NSL1: variants seen among roughly 807,000 people sequenced by gnomAD.
The protein encoded by NSL1 is NSL1 component of MIS12 kinetochore complex.
NSL1 carries 11 observed loss-of-function variants against 25.4 expected under a neutral mutation model. The observed-to-expected ratio is 0.43, with a 90% CI of 0.27 to 0.72. NSL1 has a LOEUF of 0.72. Ranked by LOEUF, NSL1 falls within the 30% of genes least tolerant of loss-of-function variation. The pLI is 0.19. For synonymous variants in NSL1, 118 were observed against 120.6 expected (o/e 0.98, Z 0.14); for missense variants, 330 against 342.7 (o/e 0.96, Z 0.29).
intron 4 of NSL1, among the ~76,000 whole-genome samples, chr1:212,745,187 TATATATATATATATATGC>T (rs1261483713): frequency 5.7e-3 from 122 of 21,448 alleles, no homozygotes; most frequent in African/African-American, 0.014. Context: ...TATATATATA[TATATATATATATATATGC>T]ATATGCATAT....
intron 4 of NSL1, among the ~76,000 whole-genome samples, chr1:212,747,643 C>A (rs1185805767): frequency 2.6e-5 from 4 of 152,252 alleles, no homozygotes; most frequent in Admixed American, 6.5e-5. Flanking sequence ...TTTTAAGCAG[C>A]TAAACTTTGG....
At position 212,731,453 on chromosome 1, in the gene NSL1, T is replaced by C; in HGVS notation, c.*6955A>G. 3 of 985,362 alleles carry C rather than the reference T, an allele frequency of 3.0e-6. No homozygotes were observed. The highest frequency in any genetic ancestry group is 3.6e-6 in the Non-Finnish European group (3 of 829,918). 61.0% of individuals were successfully genotyped at this position (985,362 alleles called of 1,614,324 possible). On this transcript the variant is annotated 3_prime_UTR_variant, in exon 6 of 6. Transcript: ENST00000366977. ...TGTTTTGAAACCCTGAGAAAGCTTCTGAAACCCTGAAAAACTGAAACCCCG... is the reference window on the plus strand; with the variant it reads ...TGTTTTGAAACCCTGAGAAAGCTTCCGAAACCCTGAAAAACTGAAACCCCG...
rs1262416784 is a variant in NSL1 at position 212,779,605 on chromosome 1, T to TG, written c.499+2766dup. Among the ~76,000 whole-genome samples, 8 of 102,494 alleles carry TG rather than the reference T, an allele frequency of 7.8e-5. 1 individual carries two copies. The highest frequency in any genetic ancestry group is 1.2e-4 in the African/African-American group (3 of 24,862). The allele number at this position is 102,494 out of a possible 152,430, so 67.2% of individuals were successfully genotyped here. A position where few individuals can be genotyped will look rare whatever the true frequency, so the allele number is the denominator to read the frequency against. On this transcript the variant is annotated intron_variant, in intron 4 of 5. Coordinates refer to ENST00000366977, the MANE Select transcript of NSL1 (RefSeq NM_015471.4). ...CCAGCCACCCCGTCCGGGAGGGAGG[T>TG]GGGGGGGTCAGCCCCCCGCCCGGTC...
intron 4 of NSL1, chr1:212,764,104 C>A: frequency 3.1e-6 from 1 of 320,970 alleles, no homozygotes. Context: ...TGGAATAAAG[C>A]TGGAAATCAA....
In NSL1 at chr1:212,734,896, A is replaced by G. The variant is rs1056451276; in HGVS notation, c.*3512T>C. Among the ~76,000 whole-genome samples the G allele has an allele frequency of 2.0e-5, 3 of 152,222 alleles. No homozygotes were observed. The highest frequency in any genetic ancestry group is 7.2e-5 in the African/African-American group (3 of 41,460). Reference sequence around the variant, plus strand: ...CTGGAATATGACCTTCCTGAAGGCAACACTTGTCCTGAGTGTTTTCATTTC... The same window carrying G: ...CTGGAATATGACCTTCCTGAAGGCAGCACTTGTCCTGAGTGTTTTCATTTC... On this transcript the variant is annotated 3_prime_UTR_variant, in exon 6 of 6. Transcript: ENST00000366977.
At position 212,771,563 on chromosome 1, in the gene NSL1, C is replaced by T. The variant is rs1571903701; in HGVS notation, c.499+10809G>A. ...GAAATGAGGAAGTCAAACTGTCCAT[C>T]TTTGCAGATGACATGTTCTTACATA... On this transcript the variant is annotated intron_variant, in intron 4 of 5. Transcript: ENST00000366977. Among the ~76,000 whole-genome samples, 4 of 133,094 alleles carry T rather than the reference C, an allele frequency of 3.0e-5. No homozygotes were observed. In the South Asian group the frequency reaches 1.0e-3, roughly 34 times the overall value. 87.3% of individuals were successfully genotyped at this position (133,094 alleles called of 152,430 possible).
intron 4 of NSL1, among the ~76,000 whole-genome samples, chr1:212,761,928 G>C (rs977073401): frequency 1.3e-5 from 2 of 149,684 alleles, no homozygotes; most frequent in African/African-American, 2.5e-5. Context: ...AATTGTCTTG[G>C]GCCACACATA....
chr1:212,768,317 C>G (rs1182924324), intron 4 of NSL1, among the ~76,000 whole-genome samples: 1 of 55,682 alleles, frequency 1.8e-5, no homozygotes, highest in African/African-American at 7.4e-5. Context: ...GAGACTCCGT[C>G]TCAAAAAAAA....
Position 212,737,316 on chromosome 1 carries a change from A to G in NSL1, c.*1092T>C. 1.0e-6 allele frequency: 1 copy of G among 985,182 alleles called. No homozygotes were observed. Among genetic ancestry groups the G allele is most frequent in the Non-Finnish European group, 1.2e-6 (1 of 829,682 alleles). The allele number at this position is 985,182 out of a possible 1,614,324, so 61.0% of individuals were successfully genotyped here. A position where few individuals can be genotyped will look rare whatever the true frequency, so the allele number is the denominator to read the frequency against. On this transcript the variant is annotated 3_prime_UTR_variant, in exon 6 of 6. Transcript: ENST00000366977. ...TTCTGGTGACTTCTGGTGAATCTAGACATTTATGATTATTAATACATAATA... is the reference window on the plus strand; with the variant it reads ...TTCTGGTGACTTCTGGTGAATCTAGGCATTTATGATTATTAATACATAATA...
chr1:212,729,369 G>C lies in NSL1; in HGVS notation c.*9039C>G. 1 of 980,816 alleles carries C rather than the reference G, an allele frequency of 1.0e-6. No homozygotes were observed. The allele number at this position is 980,816 out of a possible 1,614,324, so 60.8% of individuals were successfully genotyped here. ...AGGGTCTGTGCCTTGGTTTACAGGT[G>C]TACATCCACACAGCTCTTAGCACAG... On this transcript the variant is annotated 3_prime_UTR_variant, in exon 6 of 6. Transcript: ENST00000366977.
At position 212,770,306 on chromosome 1, in the gene NSL1, C is replaced by T. The variant is rs541167422; in HGVS notation, c.499+12066G>A. The stretch of plus-strand genomic sequence containing the variant: ...ACTGATAAATGGCTAGCTAGACTAA[C>T]CAAGATTGGAAACAAAAAAAGGAGG... On this transcript the variant is annotated intron_variant, in intron 4 of 5. Coordinates refer to ENST00000366977, the MANE Select transcript of NSL1 (RefSeq NM_015471.4). Among the ~76,000 whole-genome samples, 3 of 151,936 alleles carry T rather than the reference C, an allele frequency of 2.0e-5. No individual in the cohort carries two copies. In the South Asian group the frequency reaches 6.2e-4, roughly 32 times the overall value.
At chr1:212,780,960 C>T (rs992381240) in intron 4 of NSL1, among the ~76,000 whole-genome samples, 11 of 152,130 alleles carry the variant, frequency 7.2e-5, no homozygotes, top group Admixed American at 3.9e-4. Flanking sequence ...ATCCAGAATT[C>T]GTCATTTTAC....
At position 212,738,233 on chromosome 1, in the gene NSL1, AAGGAAAT is replaced by A; in HGVS notation, c.*168_*174del. On this transcript the variant is annotated 3_prime_UTR_variant, in exon 6 of 6. Transcript: ENST00000366977. ...TTTTATTTACAATAGATAAAACAGT[AAGGAAAT>A]ACAATATTATATCATATCCCCGCAC... is the stretch of plus-strand genomic sequence containing the variant. 1 of 1,361,248 alleles carries A rather than the reference AAGGAAAT, an allele frequency of 7.3e-7. No individual in the cohort carries two copies. The highest frequency in any genetic ancestry group is 9.4e-7 in the Non-Finnish European group (1 of 1,058,766). 84.3% of individuals were successfully genotyped at this position (1,361,248 alleles called of 1,614,324 possible).
At chr1:212,744,179 T>C (rs938433173) in intron 4 of NSL1, among the ~76,000 whole-genome samples, 13 of 152,352 alleles carry the variant, frequency 8.5e-5, no homozygotes, top group African/African-American at 3.1e-4. Context: ...GGCTGAGAGC[T>C]GAAGGCATAT....
At chr1:212,756,604 G>A (rs934262449) in intron 4 of NSL1, among the ~76,000 whole-genome samples, 3 of 152,218 alleles carry the variant, frequency 2.0e-5, no homozygotes, top group East Asian at 1.9e-4. Flanking sequence ...AGGATCACCC[G>A]AGTTCAAGAC....
At chr1:212,789,958 C>T (rs1215717453) in intron 1 of NSL1, among the ~76,000 whole-genome samples, 12 of 152,144 alleles carry the variant, frequency 7.9e-5, no homozygotes, top group Non-Finnish European at 1.2e-4. Flanking sequence ...GTAAGAGTCA[C>T]TATATACAAA....
At chr1:212,741,991 T>C (rs1658527111) in intron 4 of NSL1, among the ~76,000 whole-genome samples, 1 of 152,102 alleles carries the variant, frequency 6.6e-6, no homozygotes, top group Admixed American at 6.5e-5. Flanking sequence ...CTGGAAGACA[T>C]CATTGCACTA....
rs1373212209 is a variant in NSL1 at position 212,731,887 on chromosome 1, T to C, written c.*6521A>G. On this transcript the variant is annotated 3_prime_UTR_variant, in exon 6 of 6. Coordinates refer to ENST00000366977, the MANE Select transcript of NSL1 (RefSeq NM_015471.4). ...TCCAGCTCCATGTCCTGGGACACCC[T>C]ACCCTGCCCCAGGACCCAGCAGCTA... 2 of 985,396 alleles carry C rather than the reference T, an allele frequency of 2.0e-6. No homozygotes were observed. Among genetic ancestry groups the C allele is most frequent in the East Asian group, 2.3e-4 (2 of 8,808 alleles). The allele number at this position is 985,396 out of a possible 1,614,324, so 61.0% of individuals were successfully genotyped here. A position where few individuals can be genotyped will look rare whatever the true frequency, so the allele number is the denominator to read the frequency against.
intron 4 of NSL1, among the ~76,000 whole-genome samples, chr1:212,780,143 A>G (rs1160821904): frequency 6.6e-6 from 1 of 151,872 alleles, no homozygotes; most frequent in African/African-American, 2.4e-5. Flanking sequence ...GAAACTTTTC[A>G]TTTTGTTCTG....
Sources: allele counts gnomAD v4.1 joint callset (sites outside exome capture counted in the v4.1 genomes callset), GRCh38; gene constraint gnomAD v4.1.1; transcripts MANE v1.5; gene names NCBI Gene and HGNC (gene_info 2026-07-23, HGNC 2026-07-21).